RGS17: variants seen among roughly 807,000 people sequenced by gnomAD.
The protein encoded by RGS17 is regulator of G-protein signaling 17.
A neutral mutation model predicts 25.5 loss-of-function variants in RGS17; 12 were observed. The ratio of observed to expected loss-of-function variants is 0.47; its 90% confidence interval spans 0.30 to 0.76. The LOEUF (loss-of-function observed/expected upper bound fraction) is 0.76, where lower values mean the gene tolerates loss of function less well. Among genes scored for constraint, RGS17 ranks in the 30% least tolerant of loss-of-function variants. RGS17 has a pLI of 0.07. For missense variants in RGS17, 196 were observed against 242.2 expected, an observed-to-expected ratio of 0.81 and a Z score of 1.27; for synonymous variants, 71 against 76.9, an observed-to-expected ratio of 0.92 and a Z score of 0.40.
At chr6:153,059,280 C>T (rs998702948) in intron 1 of RGS17, among the ~76,000 whole-genome samples, 3 of 152,218 alleles carry the variant, frequency 2.0e-5, no homozygotes, top group Admixed American at 6.5e-5. Flanking sequence ...ATCTATTGGT[C>T]GCATTTAAAA....
At chr6:153,036,400 T>C (rs1489990890) in intron 2 of RGS17, among the ~76,000 whole-genome samples, 1 of 152,128 alleles carries the variant, frequency 6.6e-6, no homozygotes, top group East Asian at 1.9e-4. Context: ...TCTTCTCCAC[T>C]GTGTTTGCAA....
intron 1 of RGS17, among the ~76,000 whole-genome samples, chr6:153,087,059 G>A (rs1777062388): frequency 6.9e-6 from 1 of 144,118 alleles, no homozygotes; most frequent in Non-Finnish European, 1.5e-5. Flanking sequence ...GAGGCGGGCA[G>A]ATCACCTAAG....
intron 4 of RGS17, among the ~76,000 whole-genome samples, chr6:153,014,859 T>C (rs981044366): frequency 3.3e-5 from 5 of 151,564 alleles, no homozygotes; most frequent in African/African-American, 1.2e-4. Context: ...ATTCCTCTGA[T>C]AGATCTAGGC....
At chr6:153,078,053 T>C (rs1042579459) in intron 1 of RGS17, among the ~76,000 whole-genome samples, 13 of 152,200 alleles carry the variant, frequency 8.5e-5, no homozygotes, top group African/African-American at 3.1e-4. Context: ...TTTGTATTTT[T>C]AGTGGAGAAG....
intron 2 of RGS17, among the ~76,000 whole-genome samples, chr6:153,030,176 G>A (rs1285723077): frequency 6.6e-6 from 1 of 152,180 alleles, no homozygotes; most frequent in Non-Finnish European, 1.5e-5. Flanking sequence ...TTAAGAAAAT[G>A]TGCCCCCTCT....
chr6:153,025,312 TAA>T (rs764258146), intron 3 of RGS17, among the ~76,000 whole-genome samples: 7 of 140,530 alleles, frequency 5.0e-5, no homozygotes, highest in Non-Finnish European at 4.7e-5. Flanking sequence ...ATCCTGCCTC[TAA>T]AAAAAAAAAA....
intron 1 of RGS17, among the ~76,000 whole-genome samples, chr6:153,057,995 A>G (rs1433561117): frequency 1.3e-5 from 2 of 152,176 alleles, no homozygotes; most frequent in East Asian, 3.9e-4. Context: ...ATACCTGTCC[A>G]TGGACCAGGG....
In RGS17 at chr6:153,009,933, G is replaced by A. The variant is rs994139989; in HGVS notation, c.*1641C>T. 1.3e-5 allele frequency: 2 copies of A among 151,340 alleles called. No homozygotes were observed. Among genetic ancestry groups the A allele is most frequent in the African/African-American group, 4.9e-5 (2 of 41,236 alleles). 9.4% of individuals were successfully genotyped at this position (151,340 alleles called of 1,614,324 possible). A position where few individuals can be genotyped will look rare whatever the true frequency, so the allele number is the denominator to read the frequency against. On this transcript the variant is annotated 3_prime_UTR_variant, in exon 5 of 5. Transcript: ENST00000206262. The stretch of plus-strand genomic sequence containing the variant: ...CATTTTTGAAATGTTTTAAGTTTAT[G>A]GAAAAAGAAACTTGTGATGCCAACC...
chr6:153,024,483 C>T lies in RGS17; in HGVS notation c.223G>A (p.Ala75Thr). ...TGAGACCAGGACAAGACTTCCTCTGCAGTGGGGTTTTGGCTGCAGAGACAG... is the reference window on the plus strand; with the variant it reads ...TGAGACCAGGACAAGACTTCCTCTGTAGTGGGGTTTTGGCTGCAGAGACAG... ...QVLEECQNPT[A>T]EEVLSWSQNF... is the part of the protein sequence containing the mutation. Residue 75 changes from alanine to threonine, a missense_variant, in exon 4 of 5, where the codon GCA (alanine) becomes ACA (threonine). Physicochemically the swap from Ala to Thr is moderately conservative, Grantham distance 58. Around this residue, in one of 2 missense-constraint regions of RGS17, gnomAD observed 179 missense variants for 197.6 expected, o/e 0.91. Coordinates refer to ENST00000206262, the MANE Select transcript of RGS17 (RefSeq NM_012419.5). The T allele has an allele frequency of 6.2e-7, 1 of 1,613,990 alleles. No individual in the cohort carries two copies. Among genetic ancestry groups the T allele is most frequent in the Non-Finnish European group, 8.5e-7 (1 of 1,179,892 alleles).
In RGS17 at chr6:153,007,746, C is replaced by T. The variant is rs1779092161; in HGVS notation, c.*3828G>A. 1 of 152,144 alleles carries T rather than the reference C, an allele frequency of 6.6e-6. No individual in the cohort carries two copies. Among genetic ancestry groups the T allele is most frequent in the African/African-American group, 2.4e-5 (1 of 41,414 alleles). 9.4% of individuals were successfully genotyped at this position (152,144 alleles called of 1,614,324 possible). A position where few individuals can be genotyped will look rare whatever the true frequency, so the allele number is the denominator to read the frequency against. ...AGCCGGGATTAAAGGCACCCACCACCATGCCCGGCTAATTTTGTATTTTTA... is the reference window on the plus strand; with the variant it reads ...AGCCGGGATTAAAGGCACCCACCACTATGCCCGGCTAATTTTGTATTTTTA... On this transcript the variant is annotated 3_prime_UTR_variant, in exon 5 of 5. Coordinates refer to ENST00000206262, the MANE Select transcript of RGS17 (RefSeq NM_012419.5).
intron 1 of RGS17, among the ~76,000 whole-genome samples, chr6:153,112,758 G>A (rs1777492194): frequency 6.6e-6 from 1 of 152,186 alleles, no homozygotes; most frequent in African/African-American, 2.4e-5. Flanking sequence ...AAGAGAGTGG[G>A]TGCCAATATT....
At chr6:153,057,707 T>C (rs1020396299) in intron 1 of RGS17, among the ~76,000 whole-genome samples, 1 of 152,208 alleles carries the variant, frequency 6.6e-6, no homozygotes, top group Non-Finnish European at 1.5e-5. Context: ...CAACTCACCA[T>C]AATGTAGAGT....
At position 153,122,011 on chromosome 6, in the gene RGS17, G is replaced by A. The variant is rs192914169; in HGVS notation, c.-26+9113C>T. ...GTCACATGAATTCACAAAACTGGAA[G>A]TGGTTACATAATATAGCAGAGTTAC... On this transcript the variant is annotated intron_variant, in intron 1 of 4. Coordinates refer to ENST00000206262, the MANE Select transcript of RGS17 (RefSeq NM_012419.5). Among the ~76,000 whole-genome samples, 119 of 152,284 alleles carry A rather than the reference G, an allele frequency of 7.8e-4. 2 individuals are homozygous for A. Among genetic ancestry groups the A allele is most frequent in the Admixed American group, 7.6e-3 (117 of 15,298 alleles).
chr6:153,014,927 G>A (rs1584117486), intron 4 of RGS17, among the ~76,000 whole-genome samples: 1 of 152,322 alleles, frequency 6.6e-6, no homozygotes, highest in East Asian at 1.9e-4. Context: ...AAGAACATTT[G>A]TGATTCATCG....
rs1779078336 is a variant in RGS17, at chr6:153,006,558, C to T, written c.*5016G>A. 1 of 152,480 alleles carries T rather than the reference C, an allele frequency of 6.6e-6. No individual in the cohort carries two copies. The highest frequency in any genetic ancestry group is 2.4e-5 in the African/African-American group (1 of 41,396). The allele number at this position is 152,480 out of a possible 1,614,324, so 9.4% of individuals were successfully genotyped here. ...AAAGCAGTAACACTGATATAGTGTT[C>T]CATCTTAAAACATGATTGTATGTTT... is the stretch of plus-strand genomic sequence containing the variant. On this transcript the variant is annotated 3_prime_UTR_variant, in exon 5 of 5. Transcript: ENST00000206262.
At chr6:153,068,751 C>T (rs915434538) in intron 1 of RGS17, among the ~76,000 whole-genome samples, 3 of 152,066 alleles carry the variant, frequency 2.0e-5, no homozygotes, top group Non-Finnish European at 4.4e-5. Flanking sequence ...CAAACAAATT[C>T]ATAGGACAAA....
At chr6:153,121,905 C>T (rs532052720) in intron 1 of RGS17, among the ~76,000 whole-genome samples, 30 of 152,106 alleles carry the variant, frequency 2.0e-4, no homozygotes, top group Non-Finnish European at 3.7e-4. Flanking sequence ...TTCTACCTTA[C>T]GAAACCCCAC....
In RGS17 at chr6:153,024,418, G is replaced by T. The variant is rs759086079; in HGVS notation, c.288C>A (p.Asn96Lys). 4.3e-6 allele frequency: 7 copies of T among 1,614,028 alleles called. No homozygotes were observed. Among genetic ancestry groups the T allele is most frequent in the Middle Eastern group, 1.6e-4 (1 of 6,084 alleles). ...DKMMKAPAGR[N>K]LFREFLRTEY... ...CTGTTCGGAGGAACTCTCTGAAAAGGTTTCTTCCTGCTGGGGCCTTCATCA... is the reference window on the plus strand; with the variant it reads ...CTGTTCGGAGGAACTCTCTGAAAAGTTTTCTTCCTGCTGGGGCCTTCATCA... The change falls in exon 4 of 5, where the codon AAC becomes AAA. Residue 96 changes from asparagine to lysine, a missense_variant. Coordinates refer to ENST00000206262, the MANE Select transcript of RGS17 (RefSeq NM_012419.5).
chr6:153,043,536 T>C (rs1584131072), intron 2 of RGS17, among the ~76,000 whole-genome samples: 1 of 152,192 alleles, frequency 6.6e-6, no homozygotes, highest in African/African-American at 2.4e-5. Context: ...TTACTAGATG[T>C]TATTTTAATG....
Sources: allele counts gnomAD v4.1 joint callset (sites outside exome capture counted in the v4.1 genomes callset), GRCh38; gene constraint gnomAD v4.1.1; regional missense constraint gnomAD v4.1.1; transcripts MANE v1.5; gene names NCBI Gene and HGNC (gene_info 2026-07-23, HGNC 2026-07-21).